ANKFN1: variants seen among roughly 807,000 people sequenced by gnomAD.
The protein encoded by ANKFN1 is ankyrin repeat and fibronectin type-III domain-containing protein 1.
A neutral mutation model predicts 108.7 loss-of-function variants in ANKFN1; 74 were observed. The ratio of observed to expected loss-of-function variants is 0.68; its 90% CI spans 0.56 to 0.83. The LOEUF (loss-of-function observed/expected upper bound fraction) is 0.83. Ranked by LOEUF, ANKFN1 falls within the 40% of genes least tolerant of loss-of-function variation. The pLI is 0.00. For missense variants in ANKFN1, 1,505 were observed against 1,382.3 expected (o/e 1.09, Z -1.41); for synonymous variants, 547 against 516.2 (o/e 1.06, Z -0.81).
At chr17:56,253,876 T>A (rs2144075508) in intron 3 of ANKFN1, among the ~76,000 whole-genome samples, 1 of 152,334 alleles carries the variant, frequency 6.6e-6, no homozygotes, top group African/African-American at 2.4e-5. Flanking sequence ...TTGATTGGAC[T>A]ATTGGAGTGT....
intron 4 of ANKFN1, among the ~76,000 whole-genome samples, chr17:56,100,772 A>G (rs1905631098): frequency 1.3e-5 from 2 of 152,166 alleles, no homozygotes; most frequent in Non-Finnish European, 2.9e-5. Context: ...GAAAAAGTCT[A>G]TTCTGTCCCA....
At chr17:56,189,684 C>A (rs1912688268) in intron 1 of ANKFN1, among the ~76,000 whole-genome samples, 1 of 152,154 alleles carries the variant, frequency 6.6e-6, no homozygotes, top group African/African-American at 2.4e-5. Context: ...ACACTATCTG[C>A]AAAGTCCCTT....
intron 3 of ANKFN1, among the ~76,000 whole-genome samples, chr17:56,286,635 A>G (rs373314943): frequency 6.0e-4 from 92 of 152,248 alleles, no homozygotes; most frequent in Middle Eastern, 3.4e-3. Flanking sequence ...ATGCTGAGCC[A>G]GGTGGAGTCT....
intron 20 of ANKFN1, among the ~76,000 whole-genome samples, chr17:56,507,151 G>A (rs1002760461): frequency 2.0e-5 from 3 of 152,104 alleles, no homozygotes; most frequent in African/African-American, 7.2e-5. Flanking sequence ...CCTCAGTTAT[G>A]TTCTCTTCTT....
At chr17:56,319,262 A>G (rs1324688080) in intron 3 of ANKFN1, among the ~76,000 whole-genome samples, 1 of 152,342 alleles carries the variant, frequency 6.6e-6, no homozygotes, top group African/African-American at 2.4e-5. Flanking sequence ...GTACACATAC[A>G]TAGGGTTTTG....
chr17:56,115,399 A>G (rs773722842), intron 4 of ANKFN1, among the ~76,000 whole-genome samples: 1 of 152,184 alleles, frequency 6.6e-6, no homozygotes, highest in Admixed American at 6.5e-5. Context: ...CACACAGAAG[A>G]AGCAAGTTGG....
chr17:56,183,878 T>G (rs1387733736), intron 1 of ANKFN1, among the ~76,000 whole-genome samples: 1 of 152,192 alleles, frequency 6.6e-6, no homozygotes, highest in Non-Finnish European at 1.5e-5. Flanking sequence ...GGTACCAATA[T>G]TAAGCAAACT....
Position 56,353,893 on chromosome 17 carries a change from G to A in ANKFN1, c.448G>A (p.Val150Met). The part of the protein sequence containing the change: ...EAVEQQDMDA[V>M]QILLYQYTPE... ...AGTCGAACAGCAGGACATGGATGCT[G>A]TGCAGATCCTCCTGTATCAGTACAC... Residue 150 changes from valine to methionine, a missense_variant, in exon 6 of 21, where the codon GTG (valine) becomes ATG (methionine). Transcript: ENST00000682825. 6.2e-7 allele frequency: 1 copy of A among 1,614,012 alleles called. No homozygotes were observed. Among genetic ancestry groups the A allele is most frequent in the Non-Finnish European group, 8.5e-7 (1 of 1,179,966 alleles).
chr17:56,267,796 G>A (rs2043691354), intron 3 of ANKFN1, among the ~76,000 whole-genome samples: 1 of 152,090 alleles, frequency 6.6e-6, no homozygotes, highest in African/African-American at 2.4e-5. Flanking sequence ...GGTTATTGTA[G>A]GCTTCTAGTA....
chr17:56,372,459 A>C (rs1391602692), intron 6 of ANKFN1, among the ~76,000 whole-genome samples, 187 bp from the exon 7 acceptor site: 1 of 152,192 alleles, frequency 6.6e-6, no homozygotes, highest in African/African-American at 2.4e-5. Context: ...TTACCACTTA[A>C]TCTGATTGTA....
intron 3 of ANKFN1, among the ~76,000 whole-genome samples, chr17:56,237,557 G>C (rs1917246369): frequency 6.6e-6 from 1 of 152,040 alleles, no homozygotes. Context: ...AGGTTTTCTA[G>C]TTTCTGTGCA....
intron 1 of ANKFN1, among the ~76,000 whole-genome samples, chr17:56,196,820 G>C (rs947342108): frequency 6.6e-6 from 1 of 152,180 alleles, no homozygotes; most frequent in South Asian, 2.1e-4. Context: ...CTGTTCTGGT[G>C]CCTGATAGAA....
At chr17:56,428,763 A>G (rs2048659341) in intron 8 of ANKFN1, among the ~76,000 whole-genome samples, 1 of 152,058 alleles carries the variant, frequency 6.6e-6, no homozygotes, top group Non-Finnish European at 1.5e-5. Context: ...GCACCGGCCC[A>G]TGGCCCCTTC....
At chr17:56,332,170 G>A (rs1488282712) in intron 4 of ANKFN1, among the ~76,000 whole-genome samples, 1 of 152,168 alleles carries the variant, frequency 6.6e-6, no homozygotes, top group African/African-American at 2.4e-5. Flanking sequence ...GTCACAACAA[G>A]CATGATGGAG....
chr17:56,218,997 C>T (rs1915647955), intron 2 of ANKFN1, among the ~76,000 whole-genome samples: 3 of 152,300 alleles, frequency 2.0e-5, no homozygotes, highest in South Asian at 2.1e-4. Flanking sequence ...ACTTTTCACA[C>T]ATCCCTGTAA....
rs532071818 is a variant in ANKFN1, at chr17:56,276,479, G to C, written c.53+48522G>C. Among the ~76,000 whole-genome samples, 4 of 152,276 alleles carry C rather than the reference G, an allele frequency of 2.6e-5. No individual in the cohort carries two copies. In the East Asian group the frequency reaches 7.7e-4, roughly 29 times the overall value. ...TTACACTCCCACCAACACTGGAAAA[G>C]TGCTCCTATTTCTCCACATCCTCTC... On this transcript the variant is annotated intron_variant, in intron 3 of 20. Coordinates refer to ENST00000682825, the MANE Select transcript of ANKFN1 (RefSeq NM_001370326.1).
intron 8 of ANKFN1, among the ~76,000 whole-genome samples, chr17:56,428,602 A>G (rs1031869913): frequency 1.3e-5 from 2 of 151,932 alleles, no homozygotes; most frequent in Non-Finnish European, 2.9e-5. Context: ...AGCTGAGACT[A>G]CAGGTGCCTG....
Position 56,272,169 on chromosome 17 carries a change from A to G in ANKFN1, c.53+44212A>G, listed in dbSNP as rs528881700. 3.9e-5 allele frequency among the ~76,000 whole-genome samples: 6 copies of G among 152,334 alleles called. No individual in the cohort carries two copies. The South Asian group carries it at 1.0e-3, about 26-fold the overall frequency. Reference sequence around the variant, plus strand: ...CGGTATAATACCTTTAGAAAGTACTATCTTAACCACTTCAAATGCACCGTT... The same window carrying G: ...CGGTATAATACCTTTAGAAAGTACTGTCTTAACCACTTCAAATGCACCGTT... On this transcript the variant is annotated intron_variant, in intron 3 of 20. Coordinates refer to ENST00000682825, the MANE Select transcript of ANKFN1 (RefSeq NM_001370326.1).
chr17:56,164,554 G>C (rs1258377874), intron 1 of ANKFN1, among the ~76,000 whole-genome samples: 1 of 152,090 alleles, frequency 6.6e-6, no homozygotes, highest in Non-Finnish European at 1.5e-5. Context: ...ATGAAGAAAT[G>C]AATTAATTAA....
Sources: gnomAD v4.1 joint callset for allele counts (sites outside exome capture counted in the v4.1 genomes callset) on GRCh38, gnomAD v4.1.1 for gene constraint, MANE v1.5 for transcripts, NCBI Gene and HGNC (gene_info 2026-07-23, HGNC 2026-07-21) for gene names.